AGMO: variants seen among roughly 807,000 people sequenced by gnomAD.
AGMO encodes alkylglycerol monooxygenase, also known as glyceryl-ether monooxygenase.
In AGMO, 75 loss-of-function variants were observed where a neutral mutation model predicts 60.2. The ratio of observed to expected loss-of-function variants is 1.25; its 90% CI spans 1.03 to 1.51. The LOEUF is 1.51. AGMO is among the 40% of genes most tolerant of loss of function. The pLI is 0.00. For missense variants in AGMO, 763 were observed against 525.5 expected, an observed-to-expected ratio of 1.45 and a Z score of -4.42; for synonymous variants, 261 against 177.1, an observed-to-expected ratio of 1.47 and a Z score of -3.76.
At chr7:15,547,610 G>A (rs983179420) in intron 2 of AGMO, among the ~76,000 whole-genome samples, 3 of 152,060 alleles carry the variant, frequency 2.0e-5, no homozygotes, top group Admixed American at 6.5e-5. Flanking sequence ...TTTTCGGACC[G>A]GCTTAAAAAA....
intron 12 of AGMO, among the ~76,000 whole-genome samples, chr7:15,258,888 C>A (rs557830048): frequency 6.6e-6 from 1 of 152,244 alleles, no homozygotes; most frequent in Non-Finnish European, 1.5e-5. Flanking sequence ...AACACCACAA[C>A]AAGGGAGCAC....
intron 12 of AGMO, among the ~76,000 whole-genome samples, chr7:15,247,459 C>G (rs13223031): frequency 0.56 from 63,862 of 113,292 alleles, 17,575 homozygotes; most frequent in Admixed American, 0.67. Flanking sequence ...CACACACACA[C>G]AGAGAGAGAG....
Position 15,561,964 on chromosome 7 carries a change from A to G in AGMO, c.-119T>C. The stretch of plus-strand genomic sequence containing the variant: ...ACAAGCTCTTTGTCAGAGAACAGCT[A>G]AAACCAAAGCTCCACTGAGAGCACA... On this transcript the variant is annotated 5_prime_UTR_variant, in exon 1 of 13. Transcript: ENST00000342526. 1 of 1,080,112 alleles carries G rather than the reference A, an allele frequency of 9.3e-7. No individual in the cohort carries two copies. The highest frequency in any genetic ancestry group is 1.3e-6 in the Non-Finnish European group (1 of 773,322). 66.9% of individuals were successfully genotyped at this position (1,080,112 alleles called of 1,614,324 possible).
chr7:15,254,738 C>A (rs763986171), intron 12 of AGMO, among the ~76,000 whole-genome samples: 1 of 149,880 alleles, frequency 6.7e-6, no homozygotes, highest in South Asian at 2.1e-4. Context: ...AACCTTTAAC[C>A]AGCCTGAAAA....
intron 3 of AGMO, 74 bp from the exon 4 acceptor site, chr7:15,431,182 G>A: frequency 3.0e-6 from 3 of 1,006,842 alleles, no homozygotes; most frequent in Non-Finnish European, 4.6e-6. Context: ...TATGCATGCT[G>A]CTCTGTTGAG....
At chr7:15,248,229 CA>C (rs1782825058) in intron 12 of AGMO, among the ~76,000 whole-genome samples, 1 of 37,222 alleles carries the variant, frequency 2.7e-5, no homozygotes, top group African/African-American at 6.6e-5. Flanking sequence ...TATATATCTT[CA>C]TCTTCAATTC....
At chr7:15,337,939 C>T (rs1781716146) in intron 12 of AGMO, among the ~76,000 whole-genome samples, 1 of 152,122 alleles carries the variant, frequency 6.6e-6, no homozygotes, top group African/African-American at 2.4e-5. Context: ...TGAAAATCTC[C>T]AAGGCAAACA....
chr7:15,264,670 A>T (rs1272414715), intron 12 of AGMO, among the ~76,000 whole-genome samples: 1 of 152,164 alleles, frequency 6.6e-6, no homozygotes, highest in Non-Finnish European at 1.5e-5. Context: ...TTCAACAAGT[A>T]TATGAAAAAG....
intron 12 of AGMO, among the ~76,000 whole-genome samples, chr7:15,289,204 T>C (rs1784186700): frequency 1.3e-5 from 2 of 152,206 alleles, no homozygotes; most frequent in South Asian, 4.1e-4. Context: ...TGCTTTTTGT[T>C]TTGCATTATG....
chr7:15,217,929 T>C (rs1459968714), intron 12 of AGMO, among the ~76,000 whole-genome samples: 1 of 152,062 alleles, frequency 6.6e-6, no homozygotes, highest in Non-Finnish European at 1.5e-5. Context: ...CAGGGGTACA[T>C]ATGAAGAATT....
chr7:15,536,708 C>A (rs1259650857), intron 3 of AGMO, among the ~76,000 whole-genome samples: 1 of 151,848 alleles, frequency 6.6e-6, no homozygotes, highest in Non-Finnish European at 1.5e-5. Context: ...TGTATTAATT[C>A]ATTTACTCAC....
chr7:15,241,673 T>G (rs1244538534), intron 12 of AGMO, among the ~76,000 whole-genome samples: 2 of 151,976 alleles, frequency 1.3e-5, no homozygotes, highest in South Asian at 2.1e-4. Context: ...CTCTTGACTG[T>G]GAGTTTCCCC....
chr7:15,163,713 C>T, the AGMO span, among the ~76,000 whole-genome samples: 1 of 151,950 alleles, frequency 6.6e-6, no homozygotes. Flanking sequence ...ATGTTGGATT[C>T]AGTTTGCTAG....
At chr7:15,218,558 C>T (rs1781817211) in intron 12 of AGMO, among the ~76,000 whole-genome samples, 1 of 146,334 alleles carries the variant, frequency 6.8e-6, no homozygotes. Flanking sequence ...TAAAAAAAAT[C>T]TTAAAATATA....
In AGMO at chr7:15,378,666, C is replaced by G. The variant is rs1308110591; in HGVS notation, c.1074+6780G>C. 2.6e-5 allele frequency among the ~76,000 whole-genome samples: 4 copies of G among 151,742 alleles called. No homozygotes were observed. The East Asian group carries it at 7.8e-4, about 29-fold the overall frequency. On this transcript the variant is annotated intron_variant, in intron 10 of 12. Transcript: ENST00000342526. ...GAGAATTAACAAAGATATGCAGCAC[C>G]TGAACTCAGCACTAGACCAAATGGA...
At chr7:15,470,389 C>CT (rs1782420094) in intron 3 of AGMO, among the ~76,000 whole-genome samples, 1 of 151,878 alleles carries the variant, frequency 6.6e-6, no homozygotes, top group Admixed American at 6.6e-5. Context: ...TTTATGGCTT[C>CT]TTTTTTCATC....
chr7:15,359,070 A>G (rs1301783661), intron 12 of AGMO, among the ~76,000 whole-genome samples: 1 of 152,124 alleles, frequency 6.6e-6, no homozygotes, highest in Non-Finnish European at 1.5e-5. Flanking sequence ...CAGGCGGATC[A>G]TGAGGTCAGG....
Position 15,358,684 on chromosome 7 carries a change from C to T in AGMO, c.1263+6830G>A, listed in dbSNP as rs182472820. ...AACCCAAACCCACTCCTAGATAACT[C>T]AAATTCATGTATTCTCTGACATTAA... On this transcript the variant is annotated intron_variant, in intron 12 of 12. Coordinates refer to ENST00000342526, the MANE Select transcript of AGMO (RefSeq NM_001004320.2). 3.4e-3 allele frequency among the ~76,000 whole-genome samples: 518 copies of T among 152,234 alleles called. 4 individuals are homozygous for T. Among genetic ancestry groups the T allele is most frequent in the African/African-American group, 0.012 (487 of 41,534 alleles).
At chr7:15,248,179 C>CATATATATATACAT (rs1554401206) in intron 12 of AGMO, among the ~76,000 whole-genome samples, 36 of 32,630 alleles carry the variant, frequency 1.1e-3, no homozygotes, top group Admixed American at 2.3e-3. Context: ...GATCCAGCAC[C>CATATATATATACAT]ATATATATAT....
Sources: gnomAD v4.1 joint callset for allele counts (sites outside exome capture counted in the v4.1 genomes callset) on GRCh38, gnomAD v4.1.1 for gene constraint, MANE v1.5 for transcripts, NCBI Gene and HGNC (gene_info 2026-07-23, HGNC 2026-07-21) for gene names.